Variants in EPB41L2 observed in about 807,000 individuals in gnomAD.
The protein encoded by EPB41L2 is band 4.1-like protein 2.
In EPB41L2, 43 loss-of-function variants were observed where a neutral mutation model predicts 113.0. The observed-to-expected ratio is 0.38, with a 90% CI of 0.30 to 0.49. The LOEUF is 0.49. Ranked by LOEUF, EPB41L2 falls within the 20% of genes least tolerant of loss-of-function variation. The pLI is 0.95. For missense variants in EPB41L2, 1,147 were observed against 1,223.4 expected (o/e 0.94, Z 0.93); for synonymous variants, 442 against 436.7 (o/e 1.01, Z -0.15).
chr6:131,016,936 G>C (rs1243432441), intron 1 of EPB41L2, among the ~76,000 whole-genome samples: 1 of 151,628 alleles, frequency 6.6e-6, no homozygotes, highest in Non-Finnish European at 1.5e-5. Context: ...AGCCACTATA[G>C]TTACATTTAA....
chr6:130,934,856 A>G (rs1808239873), intron 3 of EPB41L2, among the ~76,000 whole-genome samples: 1 of 150,738 alleles, frequency 6.6e-6, no homozygotes, highest in East Asian at 1.9e-4. Flanking sequence ...ATTAATCAGG[A>G]AAACTTTGTA....
intron 1 of EPB41L2, among the ~76,000 whole-genome samples, chr6:130,997,909 T>C (rs1171334010): frequency 3.3e-5 from 5 of 152,170 alleles, no homozygotes; most frequent in Non-Finnish European, 7.3e-5. Context: ...TTGCAACTGT[T>C]AAGTTTGCAA....
At chr6:130,897,319 ATTCTT>A in intron 8 of EPB41L2, among the ~76,000 whole-genome samples, 1 of 152,356 alleles carries the variant, frequency 6.6e-6, no homozygotes, top group East Asian at 1.9e-4. Context: ...TGCCACATAT[ATTCTT>A]TTCAATAAGC....
chr6:130,972,802 T>G (rs1163490333), intron 1 of EPB41L2, among the ~76,000 whole-genome samples: 1 of 151,708 alleles, frequency 6.6e-6, no homozygotes, highest in Non-Finnish European at 1.5e-5. Context: ...AAAAGTAAGG[T>G]TTGCAGCCAG....
intron 19 of EPB41L2, among the ~76,000 whole-genome samples, chr6:130,855,579 T>C (rs1286103339): frequency 6.6e-6 from 1 of 152,210 alleles, no homozygotes; most frequent in Non-Finnish European, 1.5e-5. Context: ...AAAAGTCAAC[T>C]GTATCTCTCT....
At position 130,991,428 on chromosome 6, in the gene EPB41L2, T is replaced by C. The variant is rs1357510996; in HGVS notation, c.-14-34929A>G. ...CAATCATATTCTTATTTAATAAATTTAAGAGGCTTTCAACATGTCTAATTC... is the reference window on the plus strand; with the variant it reads ...CAATCATATTCTTATTTAATAAATTCAAGAGGCTTTCAACATGTCTAATTC... On this transcript the variant is annotated intron_variant, in intron 1 of 19. Coordinates refer to ENST00000337057, the MANE Select transcript of EPB41L2 (RefSeq NM_001431.4). Among the ~76,000 whole-genome samples the C allele has an allele frequency of 3.3e-5, 5 of 152,340 alleles. No homozygotes were observed. The East Asian group carries it at 9.6e-4, about 29-fold the overall frequency.
At chr6:130,866,719 T>A (rs2128441585) in intron 16 of EPB41L2, among the ~76,000 whole-genome samples, 1 of 152,368 alleles carries the variant, frequency 6.6e-6, no homozygotes, top group Middle Eastern at 3.4e-3. Flanking sequence ...ATCTTCTAAG[T>A]GGAGAAAATA....
intron 18 of EPB41L2, among the ~76,000 whole-genome samples, chr6:130,861,728 C>T (rs973228749): frequency 1.3e-5 from 2 of 151,866 alleles, no homozygotes; most frequent in African/African-American, 2.4e-5. Context: ...AAAAACTAGC[C>T]GGGCGTGGTG....
chr6:131,050,372 T>C (rs764031521), intron 1 of EPB41L2, among the ~76,000 whole-genome samples: 1 of 152,138 alleles, frequency 6.6e-6, no homozygotes, highest in Non-Finnish European at 1.5e-5. Context: ...TCATTTAGTA[T>C]ACCAACATAC....
At chr6:130,936,527 A>C (rs375033388) in intron 3 of EPB41L2, among the ~76,000 whole-genome samples, 1 of 152,218 alleles carries the variant, frequency 6.6e-6, no homozygotes, top group African/African-American at 2.4e-5. Context: ...TTTAAATTAC[A>C]AAGACATTGC....
intron 3 of EPB41L2, among the ~76,000 whole-genome samples, chr6:130,931,255 C>A (rs1806738410): frequency 6.6e-6 from 1 of 152,088 alleles, no homozygotes; most frequent in Admixed American, 6.6e-5. Context: ...TTTTATTCTA[C>A]TAATTTATTA....
intron 1 of EPB41L2, among the ~76,000 whole-genome samples, chr6:130,981,056 GA>G (rs1281636096): frequency 6.6e-6 from 1 of 152,050 alleles, no homozygotes; most frequent in Non-Finnish European, 1.5e-5. Context: ...AAATTTTGGA[GA>G]AAATATGGTC....
chr6:131,007,054 G>A (rs1426310499), intron 1 of EPB41L2, among the ~76,000 whole-genome samples: 1 of 152,170 alleles, frequency 6.6e-6, no homozygotes, highest in African/African-American at 2.4e-5. Context: ...CACCCAAGCA[G>A]CCAAATGAAA....
chr6:130,948,422 C>T (rs1583796570), intron 3 of EPB41L2, among the ~76,000 whole-genome samples: 1 of 151,700 alleles, frequency 6.6e-6, no homozygotes, highest in Non-Finnish European at 1.5e-5. Flanking sequence ...GGGAAAGAGG[C>T]GAGTAGGCAT....
intron 7 of EPB41L2, among the ~76,000 whole-genome samples, chr6:130,899,873 A>G (rs1795813089): frequency 6.6e-6 from 1 of 152,240 alleles, no homozygotes; most frequent in South Asian, 2.1e-4. Context: ...GCAATAGTGT[A>G]CAACATAAGT....
At chr6:130,913,032 C>A (rs567253307) in intron 4 of EPB41L2, among the ~76,000 whole-genome samples, 1 of 152,138 alleles carries the variant, frequency 6.6e-6, no homozygotes, top group Admixed American at 6.5e-5. Flanking sequence ...AACAAAGGAC[C>A]CTTCTCTGTT....
Position 130,954,040 on chromosome 6 carries a change from C to CTTTCTTTTTTTTTT in EPB41L2, c.705+1064_705+1065insAAAAAAAAAAGAAA, listed in dbSNP as rs1816373036. Among the ~76,000 whole-genome samples, 336 of 58,856 alleles carry CTTTCTTTTTTTTTT rather than the reference C, an allele frequency of 5.7e-3. 29 individuals are homozygous for CTTTCTTTTTTTTTT. Among genetic ancestry groups the CTTTCTTTTTTTTTT allele is most frequent in the Non-Finnish European group, 9.0e-3 (271 of 30,224 alleles). 38.6% of individuals were successfully genotyped at this position (58,856 alleles called of 152,430 possible). A position where few individuals can be genotyped will look rare whatever the true frequency, so the allele number is the denominator to read the frequency against. On this transcript the variant is annotated intron_variant, in intron 3 of 19. Transcript: ENST00000337057. ...TCCTCTTTTGCTAGTCCTTTTCTTT[C>CTTTCTTTTTTTTTT]TTTTTTTTTTTTTTTTTTTTTTTTT...
At chr6:130,843,163 C>T (rs1776025083) in intron 19 of EPB41L2, among the ~76,000 whole-genome samples, 2 of 152,066 alleles carry the variant, frequency 1.3e-5, no homozygotes, top group Non-Finnish European at 2.9e-5. Context: ...TGTAGAAATA[C>T]GTTCCTAAGT....
intron 1 of EPB41L2, among the ~76,000 whole-genome samples, chr6:131,062,933 A>G (rs982228242): frequency 4.6e-5 from 7 of 152,056 alleles, no homozygotes; most frequent in African/African-American, 1.7e-4. Context: ...CGGGTCGGGC[A>G]GAGACCGGGA....
Sources: allele counts gnomAD v4.1 joint callset (sites outside exome capture counted in the v4.1 genomes callset), GRCh38; gene constraint gnomAD v4.1.1; transcripts MANE v1.5; gene names NCBI Gene and HGNC (gene_info 2026-07-23, HGNC 2026-07-21).